The following DNAH11 variants were observed in gnomAD, a reference collection of about 807,000 sequenced individuals.
DNAH11 encodes the protein axonemal beta dynein heavy chain 11.
Under a neutral mutation model 526.0 loss-of-function variants are expected in DNAH11, and 442 were observed. The observed-to-expected ratio is 0.84, with a 90% CI of 0.78 to 0.91. The LOEUF is 0.91. Among genes scored for constraint, DNAH11 ranks in the 40% least tolerant of loss-of-function variants. The probability of loss-of-function intolerance (pLI) is 0.00; values close to 1 mark genes in which losing one functional copy is unlikely to be tolerated. For synonymous variants in DNAH11, 2,461 were observed against 1,935.9 expected (o/e 1.27, Z -7.12); for missense variants, 6,989 against 5,448.7 (o/e 1.28, Z -8.90).
At chr7:21,718,468 CT>C (rs1784753369) in intron 43 of DNAH11, among the ~76,000 whole-genome samples, 1 of 152,188 alleles carries the variant, frequency 6.6e-6, no homozygotes, top group South Asian at 2.1e-4. Flanking sequence ...AGGCCTCCCC[CT>C]CCCAAAAATA....
At chr7:21,786,478 C>A in intron 58 of DNAH11, 146 bp from the exon 59 acceptor site, 2 of 920,646 alleles carry the variant, frequency 2.2e-6, no homozygotes, top group South Asian at 2.3e-5. Context: ...AAGGTGGAGT[C>A]CCCAGGTGGC....
In DNAH11 at chr7:21,880,891, A is replaced by C; in HGVS notation, c.12385A>C (p.Lys4129Gln). 1 of 1,599,670 alleles carries C rather than the reference A, an allele frequency of 6.3e-7. No individual in the cohort carries two copies. Among genetic ancestry groups the C allele is most frequent in the Non-Finnish European group, 8.5e-7 (1 of 1,176,310 alleles). The change falls in exon 75 of 82, where the codon AAA becomes CAA. Residue 4129 changes from lysine to glutamine, a missense_variant and splice_region_variant. Lys to Gln is a moderately conservative substitution (Grantham distance 53). Transcript: ENST00000409508. ...CTACAACTACTTAGAGGCAAACTCT[A>C]AAGTAAGTGCTAGTGGTCAAATAAC... ...VLYNYLEANS[K>Q]VPWEDLRYLF... is the part of the protein sequence containing the mutation.
chr7:21,609,990 C>T (rs906908265), intron 20 of DNAH11, among the ~76,000 whole-genome samples: 3 of 151,756 alleles, frequency 2.0e-5, no homozygotes, highest in Non-Finnish European at 4.4e-5. Context: ...CGCGGTGGCT[C>T]ACGCCTGTAA....
chr7:21,771,709 A>G (rs531049973), intron 55 of DNAH11, among the ~76,000 whole-genome samples: 5 of 152,214 alleles, frequency 3.3e-5, no homozygotes, highest in African/African-American at 9.6e-5. Context: ...GTGGTTATCA[A>G]CTGGTTTTTA....
chr7:21,797,273 G>A (rs1788760896), intron 61 of DNAH11, among the ~76,000 whole-genome samples: 1 of 151,710 alleles, frequency 6.6e-6, no homozygotes, highest in Non-Finnish European at 1.5e-5. Context: ...AGGCTGGAGT[G>A]CAGTGGTGCG....
intron 65 of DNAH11, among the ~76,000 whole-genome samples, chr7:21,827,482 A>C (rs1258631367): frequency 6.6e-6 from 1 of 151,658 alleles, no homozygotes; most frequent in Non-Finnish European, 1.5e-5. Context: ...CTTTACTGCA[A>C]TATGTATTTC....
intron 20 of DNAH11, among the ~76,000 whole-genome samples, chr7:21,612,790 AAAC>A (rs1391096525): frequency 6.6e-6 from 1 of 152,198 alleles, no homozygotes; most frequent in Admixed American, 6.5e-5. Context: ...ATACTAAACA[AAAC>A]AATCAAATTA....
chr7:21,547,637 T>C (rs1031405725), intron 2 of DNAH11, among the ~76,000 whole-genome samples: 2 of 152,184 alleles, frequency 1.3e-5, no homozygotes, highest in African/African-American at 4.8e-5. Context: ...TTCCCTTTTA[T>C]GGGCTGACTC....
At chr7:21,673,794 C>T (rs377118457) in intron 30 of DNAH11, among the ~76,000 whole-genome samples, 1 of 152,132 alleles carries the variant, frequency 6.6e-6, no homozygotes, top group African/African-American at 2.4e-5. Flanking sequence ...CTTGCTCTTT[C>T]CTTTTTCTCA....
intron 30 of DNAH11, among the ~76,000 whole-genome samples, chr7:21,680,607 C>T (rs1029168002): frequency 3.3e-5 from 5 of 152,136 alleles, no homozygotes; most frequent in African/African-American, 7.2e-5. Flanking sequence ...CCTGTGATAC[C>T]GTATTTTCTA....
intron 50 of DNAH11, 85 bp downstream of exon 50, chr7:21,744,684 G>A (rs1368949299): frequency 2.6e-6 from 4 of 1,537,972 alleles, no homozygotes; most frequent in African/African-American, 2.8e-5. Context: ...TATGAGAGAA[G>A]TGCACAAGGG....
chr7:21,868,105 T>A, intron 72 of DNAH11, 98 bp downstream of exon 72: 2 of 356,436 alleles, frequency 5.6e-6, no homozygotes, highest in Non-Finnish European at 6.7e-6. Flanking sequence ...TCTTAGTTTC[T>A]TTTTTTTTTT....
At chr7:21,676,969 A>G (rs962434138) in intron 30 of DNAH11, among the ~76,000 whole-genome samples, 2 of 152,148 alleles carry the variant, frequency 1.3e-5, no homozygotes, top group African/African-American at 2.4e-5. Context: ...GAGCACCCAC[A>G]CTCTGACAGT....
intron 17 of DNAH11, 82 bp from the exon 18 acceptor site, chr7:21,601,314 A>C (rs1256324718): frequency 6.8e-6 from 10 of 1,462,394 alleles, no homozygotes; most frequent in Non-Finnish European, 9.2e-6. Context: ...TAATGAAAAT[A>C]AGATTCAATC....
At chr7:21,885,206 CA>C (rs1273424896) in intron 76 of DNAH11, among the ~76,000 whole-genome samples, 1 of 105,754 alleles carries the variant, frequency 9.5e-6, no homozygotes, top group Non-Finnish European at 2.0e-5. Flanking sequence ...ATTTATGACA[CA>C]ATGGGAAATT....
chr7:21,800,231 G>A (rs889613253), intron 61 of DNAH11, among the ~76,000 whole-genome samples: 2 of 152,138 alleles, frequency 1.3e-5, no homozygotes, highest in African/African-American at 4.8e-5. Context: ...TGCCCCAGTG[G>A]AAGGTGTTCC....
At chr7:21,628,657 A>G (rs1786461489) in intron 25 of DNAH11, among the ~76,000 whole-genome samples, 1 of 152,066 alleles carries the variant, frequency 6.6e-6, no homozygotes, top group Admixed American at 6.5e-5. Flanking sequence ...ACCATGGTAA[A>G]TGAGTTTTTA....
rs1782255875 is a variant in DNAH11, at chr7:21,842,647, C to G, written c.10795C>G (p.Gln3599Glu). ...NPHYKPELQA[Q>E]TTLLNFTVTE... is the part of the protein sequence containing the mutation. ...TCACTATAAGCCGGAATTACAAGCT[C>G]AGACAACTCTCCTCAATTTCACAGT... The change falls in exon 66 of 82, where the codon CAG becomes GAG. Residue 3599 changes from glutamine to glutamate, a missense_variant. Gln to Glu is a conservative substitution (Grantham distance 29). Coordinates refer to ENST00000409508, the MANE Select transcript of DNAH11 (RefSeq NM_001277115.2). The G allele has an allele frequency of 1.2e-5, 20 of 1,613,928 alleles. No homozygotes were observed. The African/African-American group carries it at 1.7e-4, about 14-fold the overall frequency.
chr7:21,682,764 T>C (rs1006502464), intron 31 of DNAH11, among the ~76,000 whole-genome samples: 2 of 152,176 alleles, frequency 1.3e-5, no homozygotes, highest in South Asian at 2.1e-4. Context: ...TGGGTTTTTT[T>C]CTCAATTTAT....
Sources: gnomAD v4.1 joint callset for allele counts (sites outside exome capture counted in the v4.1 genomes callset) on GRCh38, gnomAD v4.1.1 for gene constraint, MANE v1.5 for transcripts, NCBI Gene and HGNC (gene_info 2026-07-23, HGNC 2026-07-21) for gene names.